The following FBXL17 variants were observed in gnomAD, a reference collection of about 807,000 sequenced individuals.
The protein encoded by FBXL17 is F-box and leucine rich repeat protein 17.
A neutral mutation model predicts 66.2 loss-of-function variants in FBXL17; 22 were observed. The observed-to-expected ratio is 0.33, with a 90% CI of 0.24 to 0.47. The LOEUF is 0.47. Among genes scored for constraint, FBXL17 ranks in the 20% least tolerant of loss-of-function variants. FBXL17 has a pLI of 1.00. For missense variants in FBXL17, 878 were observed against 948.2 expected, an observed-to-expected ratio of 0.93 and a Z score of 0.97; for synonymous variants, 474 against 400.5, an observed-to-expected ratio of 1.18 and a Z score of -2.19.
intron 5 of FBXL17, among the ~76,000 whole-genome samples, chr5:108,202,574 A>C (rs1350916740): frequency 6.6e-6 from 1 of 152,132 alleles, no homozygotes; most frequent in Non-Finnish European, 1.5e-5. Context: ...CCTGAAACTG[A>C]GAATAATACA....
intron 6 of FBXL17, among the ~76,000 whole-genome samples, chr5:108,123,114 G>C (rs1030075983): frequency 3.4e-5 from 5 of 149,176 alleles, no homozygotes; most frequent in Admixed American, 6.7e-5. Context: ...TCTTTTTCTT[G>C]TTGTGTGATG....
chr5:108,040,808 A>C (rs951559097), intron 6 of FBXL17, among the ~76,000 whole-genome samples: 2 of 152,204 alleles, frequency 1.3e-5, no homozygotes, highest in Non-Finnish European at 2.9e-5. Context: ...GTGGAAGTTG[A>C]CTAAGAGACA....
rs144364335 is a variant in FBXL17 at position 108,020,203 on chromosome 5, A to C, written c.1822+722T>G. On this transcript the variant is annotated intron_variant, in intron 7 of 8. Coordinates refer to ENST00000542267, the MANE Select transcript of FBXL17 (RefSeq NM_001163315.3). The stretch of plus-strand genomic sequence containing the variant: ...AGAGAAAATAAACGAAAACCATTTC[A>C]TTCTCTTATAAAGCCTAATATATTT... Among the ~76,000 whole-genome samples the C allele has an allele frequency of 1.2e-3, 184 of 152,084 alleles. 3 individuals are homozygous for C. In the East Asian group the frequency reaches 0.033, roughly 27 times the overall value.
intron 5 of FBXL17, among the ~76,000 whole-genome samples, chr5:108,213,615 C>T (rs559621008): frequency 6.6e-6 from 1 of 152,238 alleles, no homozygotes; most frequent in Admixed American, 6.5e-5. Context: ...CCATGGGCTG[C>T]AGCCACTGTC....
At chr5:107,975,067 G>A (rs2112657747) in intron 7 of FBXL17, among the ~76,000 whole-genome samples, 1 of 152,252 alleles carries the variant, frequency 6.6e-6, no homozygotes, top group Admixed American at 6.5e-5. Flanking sequence ...TATAGTCTTT[G>A]TTCTGGGAGT....
intron 7 of FBXL17, among the ~76,000 whole-genome samples, chr5:107,943,417 G>A (rs577760744): frequency 3.3e-5 from 5 of 152,064 alleles, no homozygotes; most frequent in East Asian, 1.9e-4. Context: ...GGTTAACTTC[G>A]GTCTTCCCTT....
intron 6 of FBXL17, among the ~76,000 whole-genome samples, chr5:108,054,560 A>C (rs1747612191): frequency 6.6e-6 from 1 of 152,240 alleles, no homozygotes; most frequent in East Asian, 1.9e-4. Flanking sequence ...AGTGGGGTTA[A>C]CTGAGGTTTC....
rs576734986 is a variant in FBXL17, at chr5:108,322,667, T to C, written c.1506+25732A>G. 8.5e-5 allele frequency among the ~76,000 whole-genome samples: 13 copies of C among 152,056 alleles called. No homozygotes were observed. The South Asian group carries it at 2.7e-3, about 32-fold the overall frequency. On this transcript the variant is annotated intron_variant, in intron 4 of 8. Transcript: ENST00000542267. ...TCTACAAATAATAATAAATATTGAC[T>C]TTGCCAGATATTAGAGGTAAACTAT...
chr5:107,928,596 G>T (rs1204351610), intron 7 of FBXL17, among the ~76,000 whole-genome samples: 3 of 152,058 alleles, frequency 2.0e-5, no homozygotes, highest in African/African-American at 7.2e-5. Flanking sequence ...AGAAAGATAA[G>T]TAATTGGCAC....
At chr5:108,023,900 C>T (rs1729820939) in intron 6 of FBXL17, among the ~76,000 whole-genome samples, 1 of 152,102 alleles carries the variant, frequency 6.6e-6, no homozygotes, top group Non-Finnish European at 1.5e-5. Context: ...AGTGACAGAA[C>T]CAAAGACCAC....
intron 7 of FBXL17, among the ~76,000 whole-genome samples, chr5:108,001,201 A>G (rs1753709552): frequency 6.6e-6 from 1 of 152,164 alleles, no homozygotes; most frequent in Admixed American, 6.5e-5. Context: ...ATACATATAT[A>G]TGTAAAACAC....
intron 5 of FBXL17, among the ~76,000 whole-genome samples, chr5:108,214,263 G>C (rs1354980897): frequency 2.6e-5 from 4 of 152,006 alleles, no homozygotes; most frequent in Middle Eastern, 3.2e-3. Flanking sequence ...GGGGGTTGTG[G>C]AATATATCCC....
intron 6 of FBXL17, among the ~76,000 whole-genome samples, chr5:108,073,061 A>G (rs925810731): frequency 6.6e-6 from 1 of 152,188 alleles, no homozygotes; most frequent in Non-Finnish European, 1.5e-5. Context: ...TAGTTACAGA[A>G]GTCAGAAAGG....
intron 6 of FBXL17, among the ~76,000 whole-genome samples, chr5:108,100,050 A>T (rs993152576): frequency 6.6e-6 from 1 of 152,272 alleles, no homozygotes; most frequent in Admixed American, 6.5e-5. Flanking sequence ...TATCCCAATT[A>T]TCTCAATGAC....
chr5:108,162,388 C>G (rs10071678), intron 6 of FBXL17, among the ~76,000 whole-genome samples: 3 of 151,726 alleles, frequency 2.0e-5, no homozygotes, highest in Non-Finnish European at 2.9e-5. Context: ...CCCAGCTACT[C>G]GGGAGACTGA....
At chr5:108,077,679 G>GA (rs1344159213) in intron 6 of FBXL17, among the ~76,000 whole-genome samples, 2 of 149,682 alleles carry the variant, frequency 1.3e-5, no homozygotes, top group Non-Finnish European at 3.0e-5. Context: ...AAAAAAAAAT[G>GA]AAAAAAATGA....
intron 6 of FBXL17, among the ~76,000 whole-genome samples, chr5:108,094,132 G>A (rs766573810): frequency 3.9e-5 from 6 of 152,064 alleles, no homozygotes; most frequent in Non-Finnish European, 7.4e-5. Flanking sequence ...TTACTTTACT[G>A]GAACACAGGC....
chr5:107,969,382 A>C (rs1335601901), intron 7 of FBXL17, among the ~76,000 whole-genome samples: 1 of 152,128 alleles, frequency 6.6e-6, no homozygotes, highest in East Asian at 1.9e-4. Flanking sequence ...TTCCAGAAAA[A>C]ATGACTCATT....
chr5:108,149,536 C>T (rs1028171303), intron 6 of FBXL17, among the ~76,000 whole-genome samples: 27 of 152,258 alleles, frequency 1.8e-4, no homozygotes, highest in African/African-American at 6.3e-4. Flanking sequence ...AGGCTCTAGT[C>T]TTGGCTTCTT....
Sources: allele counts gnomAD v4.1 joint callset (sites outside exome capture counted in the v4.1 genomes callset), GRCh38; gene constraint gnomAD v4.1.1; transcripts MANE v1.5; gene names NCBI Gene and HGNC (gene_info 2026-07-23, HGNC 2026-07-21).